The following SLC30A6 variants were observed in gnomAD, a reference collection of about 807,000 sequenced individuals.
SLC30A6 encodes zinc transporter 6.
In SLC30A6, 55 loss-of-function variants were observed where a neutral mutation model predicts 63.0. The observed-to-expected ratio is 0.87, with a 90% CI of 0.70 to 1.09. The LOEUF is 1.09. Among genes scored for constraint, SLC30A6 ranks in the 50% least tolerant of loss-of-function variants. The pLI, the probability that SLC30A6 is intolerant of heterozygous loss-of-function variation, is 0.00. For synonymous variants in SLC30A6, 224 were observed against 186.1 expected (o/e 1.20, Z -1.66); for missense variants, 587 against 549.2 (o/e 1.07, Z -0.69).
intron 10 of SLC30A6, among the ~76,000 whole-genome samples, chr2:32,198,927 A>G (rs1038877582): frequency 7.2e-5 from 11 of 151,988 alleles, no homozygotes; most frequent in African/African-American, 2.4e-4. Context: ...ACCACCATCC[A>G]TCTCCAGAAC....
At chr2:32,187,149 C>G in intron 5 of SLC30A6, 1 of 470,016 alleles carries the variant, frequency 2.1e-6, no homozygotes, top group Non-Finnish European at 4.4e-6. Flanking sequence ...TTTTGCCTCC[C>G]AGGCCTGCTT....
intron 13 of SLC30A6, among the ~76,000 whole-genome samples, chr2:32,210,515 C>CAAA (rs3040860): frequency 2.5e-3 from 221 of 88,996 alleles, no homozygotes; most frequent in South Asian, 7.7e-3. Flanking sequence ...ACTCTGTCTC[C>CAAA]AAAAAAAAAA....
At chr2:32,197,269 T>C (rs1683873803) in intron 8 of SLC30A6, 75 bp from the exon 9 acceptor site, 1 of 1,335,864 alleles carries the variant, frequency 7.5e-7, no homozygotes, top group South Asian at 1.4e-5. Context: ...TTTTTTAAAA[T>C]TAAAGAACTC....
chr2:32,219,594 C>G (rs1685992677), intron 13 of SLC30A6, among the ~76,000 whole-genome samples: 1 of 151,940 alleles, frequency 6.6e-6, no homozygotes, highest in South Asian at 2.1e-4. Context: ...GCCACTATGC[C>G]TGGCTAATTT....
Position 32,220,747 on chromosome 2 carries a change from C to T in SLC30A6, c.*34C>T, listed in dbSNP as rs578124810. On this transcript the variant is annotated 3_prime_UTR_variant, in exon 14 of 14. Transcript: ENST00000282587. ...AACTTATTTTTATAAGGAATATTGA[C>T]TCCTTGGCTTCCAATTTATTTAGTA... 1.8e-5 allele frequency: 28 copies of T among 1,558,708 alleles called. No homozygotes were observed. The highest frequency in any genetic ancestry group is 2.4e-5 in the Non-Finnish European group (28 of 1,152,064).
chr2:32,202,900 TC>T, intron 10 of SLC30A6: 11 of 1,042,822 alleles, frequency 1.1e-5, no homozygotes, highest in African/African-American at 1.6e-5. Context: ...CATTTGGCCA[TC>T]CGGTGTCATT....
Position 32,187,130 on chromosome 2 carries a change from T to C in SLC30A6, c.284+2792T>C, listed in dbSNP as rs551054025. 531 of 470,014 alleles carry C rather than the reference T, an allele frequency of 1.1e-3. 5 individuals are homozygous for C. The highest frequency in any genetic ancestry group is 5.1e-3 in the South Asian group (328 of 64,556). The allele number at this position is 470,014 out of a possible 1,614,324, so 29.1% of individuals were successfully genotyped here. On this transcript the variant is annotated intron_variant, in intron 5 of 13. Transcript: ENST00000282587. ...CGCAGGCACTAGACCACTGAGGACATTGTCATTTTTTTGCCTCCCAGGCCT... is the reference window on the plus strand; with the variant it reads ...CGCAGGCACTAGACCACTGAGGACACTGTCATTTTTTTGCCTCCCAGGCCT...
chr2:32,197,743 C>G lies in SLC30A6; in HGVS notation c.582C>G (p.Phe194Leu). 6.2e-7 allele frequency: 1 copy of G among 1,614,098 alleles called. No homozygotes were observed. Among genetic ancestry groups the G allele is most frequent in the Non-Finnish European group, 8.5e-7 (1 of 1,179,984 alleles). Residue 194 changes from phenylalanine (F) to leucine (L), a missense_variant, in exon 10 of 14, where the codon TTC (phenylalanine) becomes TTG (leucine). By Grantham distance (22) the Phe-to-Leu change is conservative. Coordinates refer to ENST00000282587, the MANE Select transcript of SLC30A6 (RefSeq NM_017964.5). ...CGIIPGLSSI[F>L]LPRMNPFVLI... ...TTATTCCGGGACTTAGCAGTATCTT[C>G]CTTCCCCGAATGAATCCATTTGTTT... is the stretch of plus-strand genomic sequence containing the variant.
chr2:32,189,291 T>G (rs1331328690), intron 5 of SLC30A6, among the ~76,000 whole-genome samples: 4 of 150,722 alleles, frequency 2.7e-5, no homozygotes, highest in Non-Finnish European at 4.4e-5. Context: ...CTTTTTTTTT[T>G]TTTTTTTTTC....
intron 4 of SLC30A6, among the ~76,000 whole-genome samples, chr2:32,181,401 C>T (rs1178149144): frequency 6.6e-6 from 1 of 152,072 alleles, no homozygotes; most frequent in African/African-American, 2.4e-5. Context: ...TGTGAAAAAA[C>T]ATGTACTTCT....
intron 11 of SLC30A6, among the ~76,000 whole-genome samples, chr2:32,205,915 G>A (rs896405705): frequency 5.3e-5 from 8 of 151,640 alleles, no homozygotes; most frequent in Non-Finnish European, 7.4e-5. Context: ...TGAGCCACCC[G>A]CCTTGAACCT....
intron 10 of SLC30A6, among the ~76,000 whole-genome samples, chr2:32,199,880 C>T (rs1038010762): frequency 2.6e-5 from 4 of 151,974 alleles, no homozygotes; most frequent in Admixed American, 6.6e-5. Context: ...TTTGGGAAGC[C>T]GAGGCGGCTG....
At chr2:32,205,762 G>C (rs1393233062) in intron 11 of SLC30A6, among the ~76,000 whole-genome samples, 1 of 148,462 alleles carries the variant, frequency 6.7e-6, no homozygotes, top group African/African-American at 2.5e-5. Flanking sequence ...TTGCTTCCTG[G>C]GTTCAAGCGA....
At chr2:32,206,511 A>G (rs557482953) in intron 11 of SLC30A6, among the ~76,000 whole-genome samples, 5 of 152,034 alleles carry the variant, frequency 3.3e-5, no homozygotes, top group Non-Finnish European at 5.9e-5. Context: ...GTCTTACCCT[A>G]TGCCTTTTCC....
chr2:32,176,776 C>G (rs1056797491), intron 4 of SLC30A6, among the ~76,000 whole-genome samples: 2 of 148,290 alleles, frequency 1.3e-5, no homozygotes, highest in African/African-American at 4.9e-5. Context: ...TATTTTCTTT[C>G]TTTTTTTTTT....
chr2:32,212,883 C>A (rs1199599855), intron 13 of SLC30A6, among the ~76,000 whole-genome samples: 1 of 138,510 alleles, frequency 7.2e-6, no homozygotes, highest in African/African-American at 2.8e-5. Context: ...GAGTGAGCCA[C>A]TGTGTCCAGC....
At chr2:32,181,933 C>CTTTTTTTTTTT (rs34589397) in intron 4 of SLC30A6, among the ~76,000 whole-genome samples, 1 of 122,928 alleles carries the variant, frequency 8.1e-6, no homozygotes, top group Non-Finnish European at 1.7e-5. Flanking sequence ...TTTTTCTTTT[C>CTTTTTTTTTTT]TTTTTTTTTT....
Position 32,204,560 on chromosome 2 carries a change from T to A in SLC30A6, c.666-30T>A, listed in dbSNP as rs376252533. 7 of 1,494,470 alleles carry A rather than the reference T, an allele frequency of 4.7e-6. No individual in the cohort carries two copies. The African/African-American group carries it at 9.7e-5, about 21-fold the overall frequency. 92.6% of individuals were successfully genotyped at this position (1,494,470 alleles called of 1,614,324 possible). A position where few individuals can be genotyped will look rare whatever the true frequency, so the allele number is the denominator to read the frequency against. On this transcript the variant is annotated intron_variant, in intron 10 of 13. Coordinates refer to ENST00000282587, the MANE Select transcript of SLC30A6 (RefSeq NM_017964.5). Reference sequence around the variant, plus strand: ...GTAATATGCCCAGTGAGATATAAATTTAAAATTTAGAATTGTTTTTTCCTT... The same window carrying A: ...GTAATATGCCCAGTGAGATATAAATATAAAATTTAGAATTGTTTTTTCCTT...
chr2:32,219,415 GCC>G (rs1279874437), intron 13 of SLC30A6, among the ~76,000 whole-genome samples: 1 of 149,806 alleles, frequency 6.7e-6, no homozygotes, highest in Non-Finnish European at 1.5e-5. Context: ...TCCTTCTTCT[GCC>G]CCCTGAAATA....
Sources: allele counts gnomAD v4.1 joint callset (sites outside exome capture counted in the v4.1 genomes callset), GRCh38; gene constraint gnomAD v4.1.1; transcripts MANE v1.5; gene names NCBI Gene and HGNC (gene_info 2026-07-23, HGNC 2026-07-21).